The following CEP83 variants were observed in gnomAD, a reference collection of about 807,000 sequenced individuals.
CEP83 encodes the protein centrosomal protein of 83 kDa.
Under a neutral mutation model 101.9 loss-of-function variants are expected in CEP83, and 70 were observed. The observed-to-expected ratio is 0.69, with a 90% CI of 0.57 to 0.84. CEP83 has a LOEUF of 0.84. CEP83 is among the 40% of genes least tolerant of loss of function. The pLI is 0.00. For missense variants in CEP83, 715 were observed against 787.2 expected, an observed-to-expected ratio of 0.91 and a Z score of 1.10; for synonymous variants, 264 against 267.9, an observed-to-expected ratio of 0.99 and a Z score of 0.14.
At chr12:94,321,028 C>G (rs2058723077) in intron 14 of CEP83, among the ~76,000 whole-genome samples, 2 of 152,134 alleles carry the variant, frequency 1.3e-5, no homozygotes, top group African/African-American at 4.8e-5. Flanking sequence ...TAGATTTGGT[C>G]TCTTTACATA....
chr12:94,277,748 C>T, the CEP83 span: 1 of 350,530 alleles, frequency 2.9e-6, no homozygotes, highest in Non-Finnish European at 5.7e-6. Flanking sequence ...GATACTAATG[C>T]CAACAATAGT....
the CEP83 span, chr12:94,279,780 C>A: frequency 1.2e-6 from 1 of 846,616 alleles, no homozygotes; most frequent in African/African-American, 1.7e-5. Context: ...CAGGTTGTTC[C>A]TGGAGGGCAT....
At chr12:94,452,566 T>C (rs1047649174) in intron 1 of CEP83, among the ~76,000 whole-genome samples, 17 of 152,276 alleles carry the variant, frequency 1.1e-4, no homozygotes, top group African/African-American at 4.1e-4. Flanking sequence ...AATTTCCTTC[T>C]TAAGGCTTTA....
intron 14 of CEP83, chr12:94,328,261 G>A (rs2059057821): frequency 2.7e-6 from 1 of 367,198 alleles, no homozygotes; most frequent in Non-Finnish European, 5.5e-6. Context: ...CACTCTCTCT[G>A]TATGTATCAG....
At chr12:94,341,549 T>TAA (rs71849042) in intron 11 of CEP83, among the ~76,000 whole-genome samples, 23 of 146,690 alleles carry the variant, frequency 1.6e-4, no homozygotes, top group South Asian at 2.2e-4. Flanking sequence ...TGTTGAACAT[T>TAA]AAAAAAAAAA....
chr12:94,354,415 A>C (rs1351485655), intron 11 of CEP83, among the ~76,000 whole-genome samples: 1 of 151,936 alleles, frequency 6.6e-6, no homozygotes, highest in Non-Finnish European at 1.5e-5. Flanking sequence ...CCAACTCCTG[A>C]CCTCAAGTGA....
intron 2 of CEP83, among the ~76,000 whole-genome samples, chr12:94,418,453 A>G (rs890230043): frequency 6.6e-6 from 1 of 152,214 alleles, no homozygotes; most frequent in African/African-American, 2.4e-5. Context: ...GAATTAATGC[A>G]CTGGGAAGAT....
At chr12:94,364,778 C>A (rs2060939674) in intron 11 of CEP83, among the ~76,000 whole-genome samples, 1 of 151,976 alleles carries the variant, frequency 6.6e-6, no homozygotes, top group East Asian at 1.9e-4. Context: ...ATCACTGGGG[C>A]AAAGACAGGT....
the CEP83 span, among the ~76,000 whole-genome samples, chr12:94,292,155 T>C: frequency 1.3e-5 from 2 of 152,208 alleles, no homozygotes; most frequent in African/African-American, 2.4e-5. Context: ...CATGAATACA[T>C]GTCACAGACC....
intron 2 of CEP83, among the ~76,000 whole-genome samples, chr12:94,430,998 CA>C (rs1233298683): frequency 5.3e-5 from 8 of 152,046 alleles, no homozygotes; most frequent in Non-Finnish European, 1.5e-5. Flanking sequence ...GGCTTTAAGT[CA>C]AAAACAGTAA....
chr12:94,283,899 C>A, the CEP83 span, among the ~76,000 whole-genome samples: 1 of 152,106 alleles, frequency 6.6e-6, no homozygotes, highest in South Asian at 2.1e-4. Context: ...GCCTGGCCAA[C>A]ACGGTAAAAC....
chr12:94,360,459 GCATTTCTA>G (rs2060695377), intron 11 of CEP83, among the ~76,000 whole-genome samples: 2 of 151,812 alleles, frequency 1.3e-5, no homozygotes, highest in African/African-American at 4.8e-5. Context: ...AAAATCAGTA[GCATTTCTA>G]CATACTTAAA....
rs186517388 is a variant in CEP83 at position 94,319,176 on chromosome 12, C to A, written c.1708-6159G>T. 9.9e-4 allele frequency among the ~76,000 whole-genome samples: 151 copies of A among 152,200 alleles called. 3 individuals are homozygous for A. The highest frequency in any genetic ancestry group is 1.5e-3 in the Non-Finnish European group (100 of 67,996). ...CCAGAAATTTATCTGTCTCTTCTAG[C>A]TTTGTTAGTTTGTATGCAGAAAGGT... On this transcript the variant is annotated intron_variant, in intron 14 of 16. Coordinates refer to ENST00000397809, the MANE Select transcript of CEP83 (RefSeq NM_016122.3).
intron 6 of CEP83, among the ~76,000 whole-genome samples, chr12:94,387,229 G>A (rs1593609537): frequency 1.3e-5 from 2 of 152,122 alleles, no homozygotes; most frequent in South Asian, 4.1e-4. Context: ...ACCAGTCCAT[G>A]GCCTGTCAGG....
intron 11 of CEP83, among the ~76,000 whole-genome samples, chr12:94,349,700 G>C (rs1230439988): frequency 6.6e-6 from 1 of 152,198 alleles, no homozygotes; most frequent in African/African-American, 2.4e-5. Flanking sequence ...TTTCCTTTAA[G>C]ATCAGGAATA....
chr12:94,308,287 AAAAT>A lies in CEP83; in HGVS notation c.*522_*525del, dbSNP rs1247980835. On this transcript the variant is annotated 3_prime_UTR_variant, in exon 17 of 17. Coordinates refer to ENST00000397809, the MANE Select transcript of CEP83 (RefSeq NM_016122.3). ...GTAAAATTAAACACACGATTAAAAA[AAAAT>A]TAAGCTCTTTAATTATGTGCACACA... The A allele has an allele frequency of 1.3e-5, 2 of 152,280 alleles. No homozygotes were observed. Among genetic ancestry groups the A allele is most frequent in the Non-Finnish European group, 2.9e-5 (2 of 68,082 alleles). 9.4% of individuals were successfully genotyped at this position (152,280 alleles called of 1,614,324 possible).
intron 6 of CEP83, among the ~76,000 whole-genome samples, chr12:94,388,045 T>C (rs2062260891): frequency 6.6e-6 from 1 of 152,170 alleles, no homozygotes; most frequent in African/African-American, 2.4e-5. Flanking sequence ...TAACTAAAAA[T>C]AGAACTACCA....
chr12:94,329,117 T>C (rs2059098266), intron 14 of CEP83, among the ~76,000 whole-genome samples: 1 of 152,168 alleles, frequency 6.6e-6, no homozygotes, highest in Admixed American at 6.5e-5. Flanking sequence ...ATGACTTAAA[T>C]CACAATCCAT....
chr12:94,279,481 G>A, the CEP83 span: 27 of 1,612,892 alleles, frequency 1.7e-5, no homozygotes, highest in Admixed American at 8.3e-5. Flanking sequence ...GGCATTAAAC[G>A]TCGTCTTTGA....
Sources: allele counts gnomAD v4.1 joint callset (sites outside exome capture counted in the v4.1 genomes callset), GRCh38; gene constraint gnomAD v4.1.1; transcripts MANE v1.5; gene names NCBI Gene and HGNC (gene_info 2026-07-23, HGNC 2026-07-21).